R3HCC1L: variants seen among roughly 807,000 people sequenced by gnomAD.
R3HCC1L encodes the protein coiled-coil domain-containing protein R3HCC1L.
A neutral mutation model predicts 59.9 loss-of-function variants in R3HCC1L; 51 were observed. The observed-to-expected ratio is 0.85, with a 90% confidence interval of 0.68 to 1.07. The LOEUF is 1.07. Ranked by LOEUF, R3HCC1L falls within the 50% of genes least tolerant of loss-of-function variation. R3HCC1L has a pLI of 0.00. For missense variants in R3HCC1L, 965 were observed against 933.0 expected (o/e 1.03, Z -0.45); for synonymous variants, 322 against 315.2 (o/e 1.02, Z -0.23).
In R3HCC1L at chr10:98,154,553, TC is replaced by T. The variant is rs1286079354; in HGVS notation, c.-267-1538del. 3.9e-5 allele frequency among the ~76,000 whole-genome samples: 6 copies of T among 152,300 alleles called. No individual in the cohort carries two copies. In the East Asian group the frequency reaches 9.6e-4, roughly 24 times the overall value. On this transcript the variant is annotated intron_variant, in intron 1 of 9. Transcript: ENST00000298999. ...CATTATAGATTTTGGATTAGGGAGT[TC>T]CGTGTATACTACTTTTGCTCATATT...
intron 4 of R3HCC1L, among the ~76,000 whole-genome samples, chr10:98,202,360 A>G (rs992150143): frequency 1.3e-5 from 2 of 152,188 alleles, no homozygotes; most frequent in South Asian, 2.1e-4. Flanking sequence ...GTAATTATAC[A>G]GTAGAAAAAT....
chr10:98,135,162 G>C (rs979586554), intron 1 of R3HCC1L, among the ~76,000 whole-genome samples: 2 of 152,234 alleles, frequency 1.3e-5, no homozygotes, highest in East Asian at 1.9e-4. Flanking sequence ...GCTACGGGCT[G>C]GGAGTGAGCA....
chr10:98,220,089 T>A (rs1361830537), intron 5 of R3HCC1L, among the ~76,000 whole-genome samples: 1 of 152,136 alleles, frequency 6.6e-6, no homozygotes, highest in Non-Finnish European at 1.5e-5. Context: ...TCTGACAGGG[T>A]TATTTCAGAG....
At chr10:98,206,866 T>TA (rs1308572724) in intron 4 of R3HCC1L, among the ~76,000 whole-genome samples, 4 of 152,122 alleles carry the variant, frequency 2.6e-5, no homozygotes, top group African/African-American at 7.2e-5. Context: ...ATGGAAGATA[T>TA]AAAATACATG....
intron 9 of R3HCC1L, among the ~76,000 whole-genome samples, chr10:98,240,318 A>G (rs1045795134): frequency 2.6e-5 from 4 of 152,082 alleles, no homozygotes; most frequent in Non-Finnish European, 5.9e-5. Context: ...AAAAATAAAA[A>G]ACAAAATAAA....
At position 98,209,658 on chromosome 10, in the gene R3HCC1L, C is replaced by T. The variant is rs199945129; in HGVS notation, c.1544C>T (p.Thr515Ile). ...ATTGACCTGGGTAGTACTGGTGATA[C>T]AACAGAAGCATTGCACGAACTAAGA... ...VGIDLGSTGDTTEALHELRTA... is the reference protein window; with the variant it reads ...VGIDLGSTGDITEALHELRTA... Residue 515 changes from threonine (T) to isoleucine (I), a missense_variant, in exon 5 of 10, where the codon ACA becomes ATA. Transcript: ENST00000298999. 3.1e-6 allele frequency: 5 copies of T among 1,613,960 alleles called. No individual in the cohort carries two copies. The Admixed American group carries it at 5.0e-5, about 16-fold the overall frequency.
chr10:98,135,980 A>AT, intron 1 of R3HCC1L, among the ~76,000 whole-genome samples: 1 of 145,148 alleles, frequency 6.9e-6, no homozygotes, highest in Non-Finnish European at 1.5e-5. Context: ...TTATTGTCTT[A>AT]TTTTTCCCCT....
At chr10:98,171,121 G>A (rs1848466695) in intron 4 of R3HCC1L, among the ~76,000 whole-genome samples, 1 of 152,208 alleles carries the variant, frequency 6.6e-6, no homozygotes, top group South Asian at 2.1e-4. Flanking sequence ...TTCCAAGGAT[G>A]AAAACAGAAT....
In R3HCC1L at chr10:98,154,942, T is replaced by C. The variant is rs371297958; in HGVS notation, c.-267-1151T>C. Among the ~76,000 whole-genome samples, 5 of 152,356 alleles carry C rather than the reference T, an allele frequency of 3.3e-5. No individual in the cohort carries two copies. In the South Asian group the frequency reaches 1.0e-3, roughly 32 times the overall value. On this transcript the variant is annotated intron_variant, in intron 1 of 9. Transcript: ENST00000298999. ...AAAAAAATATCCGTATATATACGTA[T>C]GTATGTGTTTATGTGCATGTGTGTG...
At chr10:98,183,589 A>G (rs1346939856) in intron 4 of R3HCC1L, among the ~76,000 whole-genome samples, 4 of 151,948 alleles carry the variant, frequency 2.6e-5, no homozygotes, top group Admixed American at 2.0e-4. Flanking sequence ...CCAGTTACAC[A>G]TATGTTAGAG....
intron 5 of R3HCC1L, among the ~76,000 whole-genome samples, chr10:98,222,893 A>G (rs1237631518): frequency 6.6e-6 from 1 of 152,254 alleles, no homozygotes; most frequent in Non-Finnish European, 1.5e-5. Flanking sequence ...AACTACCATC[A>G]GAGAATACTA....
chr10:98,195,091 A>G (rs1851278398), intron 4 of R3HCC1L, among the ~76,000 whole-genome samples: 1 of 152,190 alleles, frequency 6.6e-6, no homozygotes. Flanking sequence ...GGATGAATGG[A>G]TAAAGAAAAT....
intron 4 of R3HCC1L, among the ~76,000 whole-genome samples, chr10:98,169,609 T>C (rs568078627): frequency 6.6e-6 from 1 of 152,284 alleles, no homozygotes; most frequent in African/African-American, 2.4e-5. Flanking sequence ...TAGACATGGT[T>C]CATCGCGGCA....
intron 1 of R3HCC1L, among the ~76,000 whole-genome samples, chr10:98,135,842 C>T (rs1844519189): frequency 6.6e-6 from 1 of 152,188 alleles, no homozygotes; most frequent in Non-Finnish European, 1.5e-5. Context: ...TATGGTTGTA[C>T]TACAACTAAT....
chr10:98,190,290 G>A (rs1042361418), intron 4 of R3HCC1L, among the ~76,000 whole-genome samples: 29 of 152,140 alleles, frequency 1.9e-4, no homozygotes, highest in African/African-American at 7.0e-4. Flanking sequence ...CATTGAAAGT[G>A]GGAAGACCTT....
chr10:98,208,008 G>A, intron 4 of R3HCC1L, 93 bp from the exon 5 acceptor site: 2 of 1,186,430 alleles, frequency 1.7e-6, no homozygotes, highest in Non-Finnish European at 2.3e-6. Context: ...CTGGGTGACA[G>A]TGTGAGACTC....
At chr10:98,155,935 T>C (rs960161763) in intron 1 of R3HCC1L, among the ~76,000 whole-genome samples, 158 bp from the exon 2 acceptor site, 2 of 152,204 alleles carry the variant, frequency 1.3e-5, no homozygotes, top group Non-Finnish European at 2.9e-5. Context: ...TTAAGTCTAA[T>C]AGTTAATGTT....
chr10:98,141,614 C>T lies in R3HCC1L; in HGVS notation c.-268+6908C>T, dbSNP rs200236287. Among the ~76,000 whole-genome samples, 5 of 152,332 alleles carry T rather than the reference C, an allele frequency of 3.3e-5. No homozygotes were observed. The East Asian group carries it at 9.6e-4, about 29-fold the overall frequency. ...TGCTTAAGCCTTAGCTGGGAAGATT[C>T]AAAAGCTGGTGGTGACTTTATGGCT... On this transcript the variant is annotated intron_variant, in intron 1 of 9. Coordinates refer to ENST00000298999, the MANE Select transcript of R3HCC1L (RefSeq NM_001351015.2).
At chr10:98,157,977 G>A (rs117023789) in intron 2 of R3HCC1L, among the ~76,000 whole-genome samples, 6 of 152,304 alleles carry the variant, frequency 3.9e-5, no homozygotes, top group Non-Finnish European at 8.8e-5. Context: ...TACAGAAAAG[G>A]AATAGTTATA....
Sources: allele counts gnomAD v4.1 joint callset (sites outside exome capture counted in the v4.1 genomes callset), GRCh38; gene constraint gnomAD v4.1.1; transcripts MANE v1.5; gene names NCBI Gene and HGNC (gene_info 2026-07-23, HGNC 2026-07-21).